Variants in ALK observed in about 807,000 individuals in gnomAD.
The protein encoded by ALK is ALK receptor tyrosine kinase.
Under a neutral mutation model 163.1 loss-of-function variants are expected in ALK, and 74 were observed. The observed-to-expected ratio is 0.45, with a 90% confidence interval of 0.38 to 0.55. ALK has a LOEUF of 0.55. Ranked by LOEUF, ALK falls within the 20% of genes least tolerant of loss-of-function variation. The pLI, the probability that ALK is intolerant of heterozygous loss-of-function variation, is 0.00. For missense variants in ALK, 2,063 were observed against 2,105.3 expected (o/e 0.98, Z 0.39); for synonymous variants, 960 against 843.2 (o/e 1.14, Z -2.40).
chr2:29,672,269 G>A (rs940866574), intron 3 of ALK, among the ~76,000 whole-genome samples: 6 of 151,330 alleles, frequency 4.0e-5, no homozygotes, highest in African/African-American at 1.5e-4. Context: ...CTGGTGCACT[G>A]CACCCACTAA....
rs72852032 is a variant in ALK, at chr2:29,223,519, C to T, written c.3182G>A (p.Arg1061Gln). Reference protein sequence around the residue: ...AFSGIMIVYRRKHQELQAMQM... With the variant: ...AFSGIMIVYRQKHQELQAMQM... ...CATGGCTTGCAGCTCCTGGTGCTTC[C>T]GGCGGTACACTGCAGGTGGGTGGTC... The change falls in exon 20 of 29, where the codon CGG becomes CAG. Residue 1061 changes from arginine to glutamine, a missense_variant. Arg to Gln is a conservative substitution (Grantham distance 43). Around this residue, in one of 5 missense-constraint regions of ALK, gnomAD observed 575 missense variants for 626.6 expected, o/e 0.92. Coordinates refer to ENST00000389048, the MANE Select transcript of ALK (RefSeq NM_004304.5). 9.6e-5 allele frequency: 155 copies of T among 1,613,666 alleles called. 1 individual carries two copies. The highest frequency in any genetic ancestry group is 3.4e-4 in the South Asian group (31 of 91,058).
intron 1 of ALK, among the ~76,000 whole-genome samples, chr2:29,841,004 G>C (rs939315238): frequency 6.6e-6 from 1 of 152,054 alleles, no homozygotes; most frequent in African/African-American, 2.4e-5. Context: ...TGCAGTCACC[G>C]CTCCAAGTAT....
chr2:29,308,079 A>T (rs987938835), intron 8 of ALK, among the ~76,000 whole-genome samples: 2 of 146,816 alleles, frequency 1.4e-5, no homozygotes, highest in African/African-American at 2.5e-5. Flanking sequence ...TTCTTTTCCA[A>T]TTTTTTTTTT....
intron 1 of ALK, among the ~76,000 whole-genome samples, chr2:29,757,521 C>T (rs902155960): frequency 6.6e-6 from 1 of 151,988 alleles, no homozygotes; most frequent in African/African-American, 2.4e-5. Flanking sequence ...ATTTGAATTT[C>T]AGATAAAAAG....
intron 3 of ALK, among the ~76,000 whole-genome samples, chr2:29,570,851 T>C (rs1157450117): frequency 6.6e-6 from 1 of 152,206 alleles, no homozygotes; most frequent in Non-Finnish European, 1.5e-5. Context: ...ATTTACCTGT[T>C]TCTGAGAAAG....
intron 3 of ALK, among the ~76,000 whole-genome samples, chr2:29,607,347 T>A (rs1290960702): frequency 6.6e-6 from 1 of 152,216 alleles, no homozygotes; most frequent in Non-Finnish European, 1.5e-5. Flanking sequence ...TCTCTAAGCA[T>A]AGAAATAGAG....
At chr2:29,671,606 G>A (rs1004973969) in intron 3 of ALK, among the ~76,000 whole-genome samples, 4 of 152,086 alleles carry the variant, frequency 2.6e-5, no homozygotes, top group African/African-American at 9.7e-5. Flanking sequence ...AATTGTGAAT[G>A]AGGAAAGATT....
At chr2:29,311,064 T>C (rs985624391) in intron 8 of ALK, among the ~76,000 whole-genome samples, 4 of 152,230 alleles carry the variant, frequency 2.6e-5, no homozygotes, top group African/African-American at 7.2e-5. Flanking sequence ...AAGTTGCGGA[T>C]GCCTAGACCC....
At chr2:29,537,877 C>T (rs983471207) in intron 3 of ALK, among the ~76,000 whole-genome samples, 9 of 152,340 alleles carry the variant, frequency 5.9e-5, no homozygotes, top group African/African-American at 2.2e-4. Flanking sequence ...GACATGGTGT[C>T]AAAGAAGATT....
At chr2:29,410,644 G>A (rs1669704263) in intron 4 of ALK, among the ~76,000 whole-genome samples, 1 of 152,164 alleles carries the variant, frequency 6.6e-6, no homozygotes, top group Admixed American at 6.5e-5. Context: ...AATACTGTAG[G>A]CAAAGGTAAC....
At chr2:29,706,584 G>T (rs1678917024) in intron 2 of ALK, among the ~76,000 whole-genome samples, 1 of 152,102 alleles carries the variant, frequency 6.6e-6, no homozygotes, top group Non-Finnish European at 1.5e-5. Context: ...AGAGAAGAAG[G>T]GCCAAGTCTC....
At chr2:29,519,795 T>C (rs1170965851) in intron 4 of ALK, among the ~76,000 whole-genome samples, 1 of 152,220 alleles carries the variant, frequency 6.6e-6, no homozygotes, top group Non-Finnish European at 1.5e-5. Context: ...CTCTGAGGCC[T>C]GCAGGTGAAC....
intron 3 of ALK, among the ~76,000 whole-genome samples, chr2:29,692,852 A>G (rs1278607824): frequency 6.6e-6 from 1 of 152,272 alleles, no homozygotes; most frequent in African/African-American, 2.4e-5. Flanking sequence ...CAAATGTTCA[A>G]TGACGGTAGA....
chr2:29,799,597 A>G lies in ALK; in HGVS notation c.668-81900T>C, dbSNP rs138680758. ...CTACTCAAGAGATTAAAGTGAAAGC[A>G]TCACTTGAGCCAGGAGTTCAAGGCT... On this transcript the variant is annotated intron_variant, in intron 1 of 28. Transcript: ENST00000389048. 5.6e-4 allele frequency among the ~76,000 whole-genome samples: 86 copies of G among 152,356 alleles called. 1 individual carries two copies. In the East Asian group the frequency reaches 0.015, roughly 27 times the overall value.
intron 3 of ALK, among the ~76,000 whole-genome samples, chr2:29,648,950 T>C (rs1676961860): frequency 6.6e-6 from 1 of 152,144 alleles, no homozygotes; most frequent in Non-Finnish European, 1.5e-5. Context: ...AAATTGGAAA[T>C]TATTTTCCAT....
intron 2 of ALK, among the ~76,000 whole-genome samples, chr2:29,713,598 A>AGC (rs1438674076): frequency 6.6e-6 from 1 of 152,204 alleles, no homozygotes; most frequent in African/African-American, 2.4e-5. Context: ...AGGCAGGGAA[A>AGC]GCTCATCTTT....
chr2:29,650,248 A>G (rs1170374663), intron 3 of ALK, among the ~76,000 whole-genome samples: 3 of 152,150 alleles, frequency 2.0e-5, no homozygotes, highest in African/African-American at 7.2e-5. Context: ...CTAATTCTGT[A>G]TTGGTCTTTC....
chr2:29,920,323 C>T lies in ALK; in HGVS notation c.337G>A (p.Gly113Ser), dbSNP rs748952373. Residue 113 changes from glycine to serine, a missense_variant, in exon 1 of 29, where the codon GGT (glycine) becomes AGT (serine). Transcript: ENST00000389048. ...CGGGCCTCTGCCGGGGCTGGTGAAC[C>T]GGCGGTCCAGGAGACCCCCGGCGCC... ...GPAPGVSWTAGSPAPAEARTL... is the reference protein window; with the variant it reads ...GPAPGVSWTASSPAPAEARTL... The T allele has an allele frequency of 3.2e-6, 5 of 1,554,672 alleles. No homozygotes were observed. The highest frequency in any genetic ancestry group is 2.6e-6 in the Non-Finnish European group (3 of 1,150,694).
At chr2:29,760,937 C>T (rs780587836) in intron 1 of ALK, among the ~76,000 whole-genome samples, 1 of 152,184 alleles carries the variant, frequency 6.6e-6, no homozygotes, top group African/African-American at 2.4e-5. Flanking sequence ...CTCCCCTACC[C>T]CTGCCCCTTC....
Sources: allele counts gnomAD v4.1 joint callset (sites outside exome capture counted in the v4.1 genomes callset), GRCh38; gene constraint gnomAD v4.1.1; regional missense constraint gnomAD v4.1.1; transcripts MANE v1.5; gene names NCBI Gene and HGNC (gene_info 2026-07-23, HGNC 2026-07-21).